The following PCSK5 variants were observed in gnomAD, a reference collection of about 807,000 sequenced individuals.
The protein encoded by PCSK5 is prohormone convertase 5.
Under a neutral mutation model 233.2 loss-of-function variants are expected in PCSK5, and 129 were observed. The ratio of observed to expected loss-of-function variants is 0.55; its 90% CI spans 0.48 to 0.64. The LOEUF is 0.64. PCSK5 is among the 30% of genes least tolerant of loss of function. The pLI, the probability that PCSK5 is intolerant of heterozygous loss-of-function variation, is 0.00. For missense variants in PCSK5, 2,076 were observed against 2,430.1 expected (o/e 0.85, Z 3.06); for synonymous variants, 825 against 879.2 (o/e 0.94, Z 1.09).
At chr9:75,995,146 G>A (rs1826956144) in intron 3 of PCSK5, among the ~76,000 whole-genome samples, 1 of 152,118 alleles carries the variant, frequency 6.6e-6, no homozygotes, top group South Asian at 2.1e-4. Context: ...GAGTAGCCAG[G>A]TCCCCCACTC....
intron 3 of PCSK5, among the ~76,000 whole-genome samples, chr9:76,008,468 C>CTT (rs1330680894): frequency 7.0e-6 from 1 of 143,412 alleles, no homozygotes; most frequent in African/African-American, 2.5e-5. Context: ...TTCTTTTTGC[C>CTT]TTTTTTTTTT....
chr9:75,997,393 G>A (rs1195931188), intron 3 of PCSK5, among the ~76,000 whole-genome samples: 1 of 152,164 alleles, frequency 6.6e-6, no homozygotes, highest in Non-Finnish European at 1.5e-5. Context: ...AATTGTCTGG[G>A]GAGAAAGTAT....
intron 2 of PCSK5, among the ~76,000 whole-genome samples, chr9:75,963,092 A>T (rs1264716411): frequency 6.6e-6 from 1 of 152,228 alleles, no homozygotes; most frequent in East Asian, 1.9e-4. Context: ...TCTTATTAGC[A>T]TAATTTTTTA....
chr9:76,021,211 C>T (rs1319617577), intron 3 of PCSK5, among the ~76,000 whole-genome samples: 1 of 152,060 alleles, frequency 6.6e-6, no homozygotes, highest in Non-Finnish European at 1.5e-5. Context: ...ATTGCTTGGT[C>T]TTCTAAGGGC....
chr9:76,113,686 T>C (rs2131697251), intron 9 of PCSK5, among the ~76,000 whole-genome samples: 1 of 152,226 alleles, frequency 6.6e-6, no homozygotes, highest in East Asian at 1.9e-4. Flanking sequence ...GGAGGCCACA[T>C]AGGAAGGATA....
chr9:75,916,980 C>G (rs1028803026), intron 1 of PCSK5, among the ~76,000 whole-genome samples: 11 of 152,056 alleles, frequency 7.2e-5, no homozygotes, highest in Admixed American at 7.2e-4. Context: ...ACCAGCCTGA[C>G]CAACATGGTG....
chr9:76,092,804 A>G (rs1831349188), intron 7 of PCSK5, among the ~76,000 whole-genome samples: 1 of 152,238 alleles, frequency 6.6e-6, no homozygotes, highest in Non-Finnish European at 1.5e-5. Context: ...TTTAGTACAC[A>G]GTGGACCGTC....
At chr9:76,289,513 A>AC (rs1441487777) in intron 24 of PCSK5, among the ~76,000 whole-genome samples, 1,930 of 75,268 alleles carry the variant, frequency 0.026, 37 homozygotes, top group African/African-American at 0.049. Context: ...ACACACACGC[A>AC]ACATACACAC....
intron 2 of PCSK5, among the ~76,000 whole-genome samples, chr9:75,946,824 G>A (rs867833201): frequency 1.3e-5 from 2 of 152,020 alleles, no homozygotes; most frequent in South Asian, 2.1e-4. Flanking sequence ...TCCTGACCTC[G>A]TGATCCACCC....
Position 75,959,360 on chromosome 9 carries a change from G to A in PCSK5, c.298-26772G>A, listed in dbSNP as rs115928428. On this transcript the variant is annotated intron_variant, in intron 2 of 37. Transcript: ENST00000674117. ...TGTGAATATGGAGCAAGTGGGGTGA[G>A]GAGGGCCAGGCTGATGAGGTAGATA... is the stretch of plus-strand genomic sequence containing the variant. Among the ~76,000 whole-genome samples the A allele has an allele frequency of 6.8e-3, 1,029 of 152,228 alleles. 9 individuals carry two copies. The highest frequency in any genetic ancestry group is 0.024 in the African/African-American group (986 of 41,542).
At position 76,175,083 on chromosome 9, in the gene PCSK5, C is replaced by G; in HGVS notation, c.1854C>G (p.Ser618Arg). The G allele has an allele frequency of 6.2e-7, 1 of 1,614,120 alleles. No individual in the cohort carries two copies. Among genetic ancestry groups the G allele is most frequent in the Non-Finnish European group, 8.5e-7 (1 of 1,180,002 alleles). Residue 618 changes from serine (S) to arginine (R), a missense_variant, in exon 14 of 38, where the codon AGC becomes AGG. Ser to Arg is a moderately radical substitution (Grantham distance 110). Transcript: ENST00000674117. Reference sequence around the variant, plus strand: ...CGAAAGTGGAACGGTTCCGCTATAGCCGAGTTGAAGACCCCACAGACGACT... The same window carrying G: ...CGAAAGTGGAACGGTTCCGCTATAGGCGAGTTGAAGACCCCACAGACGACT... ...EFPKVERFRY[S>R]RVEDPTDDYG...
chr9:75,892,148 G>A lies in PCSK5; in HGVS notation c.192+775G>A, dbSNP rs1267708638. Among the ~76,000 whole-genome samples, 4 of 152,324 alleles carry A rather than the reference G, an allele frequency of 2.6e-5. No homozygotes were observed. In the South Asian group the frequency reaches 8.3e-4, roughly 32 times the overall value. ...GTGCCGGGCCGGGAGGTTGCGCCGT[G>A]GGGCGAGAGTTGGGCAGGCAGCAGG... is the stretch of plus-strand genomic sequence containing the variant. On this transcript the variant is annotated intron_variant, in intron 1 of 37. Coordinates refer to ENST00000674117, the MANE Select transcript of PCSK5 (RefSeq NM_001372043.1).
At chr9:75,975,657 A>T (rs2131372500) in intron 2 of PCSK5, among the ~76,000 whole-genome samples, 1 of 152,300 alleles carries the variant, frequency 6.6e-6, no homozygotes, top group East Asian at 1.9e-4. Flanking sequence ...GATTTGTGGG[A>T]TTGGTCAAAG....
chr9:76,126,791 G>A (rs1832870477), intron 9 of PCSK5, among the ~76,000 whole-genome samples: 1 of 152,152 alleles, frequency 6.6e-6, no homozygotes, highest in Non-Finnish European at 1.5e-5. Flanking sequence ...AGAAGTGGGA[G>A]GTGGTGAGAG....
chr9:76,159,797 T>C (rs1822769391), intron 12 of PCSK5, among the ~76,000 whole-genome samples: 1 of 150,884 alleles, frequency 6.6e-6, no homozygotes, highest in East Asian at 1.9e-4. Context: ...CCCCTGTTTT[T>C]AAGGTTGCCT....
chr9:76,007,961 A>G (rs1412641223), intron 3 of PCSK5, among the ~76,000 whole-genome samples: 1 of 152,090 alleles, frequency 6.6e-6, no homozygotes, highest in Non-Finnish European at 1.5e-5. Flanking sequence ...CAAGTCTTCA[A>G]CGGGTTCCCC....
rs1386065268 is a variant in PCSK5 at position 76,053,265 on chromosome 9, C to G, written c.633-14690C>G. On this transcript the variant is annotated intron_variant, in intron 5 of 37. Coordinates refer to ENST00000674117, the MANE Select transcript of PCSK5 (RefSeq NM_001372043.1). ...TCCCACCCCACATTTCCCTTCTGCA[C>G]TGCCCTGGTAGAGGTTCTCCATGAG... 3.3e-5 allele frequency among the ~76,000 whole-genome samples: 5 copies of G among 152,352 alleles called. No individual in the cohort carries two copies. The East Asian group carries it at 7.7e-4, about 24-fold the overall frequency.
chr9:76,249,826 C>T (rs1826744110), intron 24 of PCSK5, among the ~76,000 whole-genome samples: 1 of 152,168 alleles, frequency 6.6e-6, no homozygotes, highest in African/African-American at 2.4e-5. Flanking sequence ...AGAGCTCTCA[C>T]TGGCCTAAGC....
intron 36 of PCSK5, among the ~76,000 whole-genome samples, chr9:76,352,231 T>C (rs1830184918): frequency 6.6e-6 from 1 of 152,186 alleles, no homozygotes; most frequent in Non-Finnish European, 1.5e-5. Context: ...AACTTCCTGA[T>C]GTTGCCATGG....
Sources: allele counts gnomAD v4.1 joint callset (sites outside exome capture counted in the v4.1 genomes callset), GRCh38; gene constraint gnomAD v4.1.1; transcripts MANE v1.5; gene names NCBI Gene and HGNC (gene_info 2026-07-23, HGNC 2026-07-21).